BRI3BP: variants seen among roughly 807,000 people sequenced by gnomAD.
BRI3BP encodes the protein BRI3 binding protein, also known as BRI3-binding protein.
A neutral mutation model predicts 15.8 loss-of-function variants in BRI3BP; 7 were observed. That is an observed-to-expected ratio of 0.44 (90% confidence interval 0.25 to 0.83). The LOEUF is 0.83. BRI3BP is among the 40% of genes least tolerant of loss of function. The pLI, the probability that BRI3BP is intolerant of heterozygous loss-of-function variation, is 0.20. For missense variants in BRI3BP, 320 were observed against 339.3 expected (o/e 0.94, Z 0.45); for synonymous variants, 192 against 163.5 (o/e 1.17, Z -1.33).
the BRI3BP span, among the ~76,000 whole-genome samples, chr12:125,038,951 A>G: frequency 4.7e-5 from 7 of 147,974 alleles, no homozygotes; most frequent in South Asian, 1.5e-3. Flanking sequence ...TTAGCCGGGC[A>G]TGGTGGCCGG....
At chr12:125,022,537 A>ATTTTTT (rs1391143992) in intron 2 of BRI3BP, among the ~76,000 whole-genome samples, 1 of 70,616 alleles carries the variant, frequency 1.4e-5, no homozygotes, top group African/African-American at 7.8e-5. Flanking sequence ...TTATTTATTT[A>ATTTTTT]TTTATTTTTT....
At chr12:124,995,147 CAG>C (rs1955029899) in intron 1 of BRI3BP, among the ~76,000 whole-genome samples, 1 of 152,132 alleles carries the variant, frequency 6.6e-6, no homozygotes, top group South Asian at 2.1e-4. Flanking sequence ...GTTAGGAAAA[CAG>C]TAAGTTTTGA....
chr12:125,050,528 A>G, the BRI3BP span, among the ~76,000 whole-genome samples: 1 of 152,264 alleles, frequency 6.6e-6, no homozygotes, highest in African/African-American at 2.4e-5. Context: ...GAGACCTGCA[A>G]ATTCTGCAGC....
intron 2 of BRI3BP, among the ~76,000 whole-genome samples, chr12:125,017,222 C>T (rs1955254746): frequency 6.6e-6 from 1 of 151,338 alleles, no homozygotes; most frequent in Non-Finnish European, 1.5e-5. Context: ...TGGGGTTTCA[C>T]CATCTTGGCC....
intron 1 of BRI3BP, among the ~76,000 whole-genome samples, chr12:124,997,214 C>CCTTTTTTTTTTTTTTTTTTTTTTTTTTT (rs1955048122): frequency 1.9e-5 from 1 of 51,550 alleles, no homozygotes; most frequent in Non-Finnish European, 3.2e-5. Context: ...CTTTACTTCT[C>CCTTTTTTTTTTTTTTTTTTTTTTTTTTT]TTTTTTTTTT....
At position 125,025,314 on chromosome 12, in the gene BRI3BP, A is replaced by G; in HGVS notation, c.640A>G (p.Asn214Asp). 1 of 1,612,220 alleles carries G rather than the reference A, an allele frequency of 6.2e-7. No homozygotes were observed. The highest frequency in any genetic ancestry group is 8.5e-7 in the Non-Finnish European group (1 of 1,179,500). ...YWRSSPSGPSNPSNPSVEEKL... is the reference protein window; with the variant it reads ...YWRSSPSGPSDPSNPSVEEKL... ...GCGAAGCAGTCCCAGCGGCCCCAGC[A>G]ACCCCAGCAACCCCAGCGTGGAGGA... is the stretch of plus-strand genomic sequence containing the variant. The change falls in exon 3 of 3, where the codon AAC becomes GAC. Residue 214 changes from asparagine to aspartate, a missense_variant. Transcript: ENST00000341446.
At chr12:125,021,686 C>T (rs1392949531) in intron 2 of BRI3BP, among the ~76,000 whole-genome samples, 1 of 152,120 alleles carries the variant, frequency 6.6e-6, no homozygotes, top group African/African-American at 2.4e-5. Context: ...AAGCAAGGCA[C>T]GTCTTACGTG....
downstream of BRI3BP, among the ~76,000 whole-genome samples, chr12:125,034,338 A>G (rs764895982): frequency 2.6e-5 from 4 of 152,074 alleles, no homozygotes; most frequent in African/African-American, 4.8e-5. Flanking sequence ...GAGCCACTGC[A>G]CCCAGCCCCT....
At chr12:125,050,380 A>G in the BRI3BP span, among the ~76,000 whole-genome samples, 1 of 152,016 alleles carries the variant, frequency 6.6e-6, no homozygotes, top group Admixed American at 6.5e-5. Context: ...TTAATAATCA[A>G]TAAATTTAAA....
intron 2 of BRI3BP, among the ~76,000 whole-genome samples, chr12:125,014,522 T>C (rs7966745): frequency 0.14 from 21,138 of 152,168 alleles, 1,564 homozygotes; most frequent in Admixed American, 0.16. Context: ...GCTTCAGAGT[T>C]CTCTCCCTGT....
At chr12:124,999,292 C>A (rs1955063759) in intron 1 of BRI3BP, among the ~76,000 whole-genome samples, 1 of 152,212 alleles carries the variant, frequency 6.6e-6, no homozygotes, top group South Asian at 2.1e-4. Context: ...CCACTTCCCA[C>A]TACCGACCCG....
chr12:125,024,684 A>G (rs1955333039), intron 2 of BRI3BP, among the ~76,000 whole-genome samples: 1 of 152,124 alleles, frequency 6.6e-6, no homozygotes, highest in South Asian at 2.1e-4. Context: ...CTGTAATCCC[A>G]GCTACCCCGG....
At chr12:125,024,690 C>T (rs7303173) in intron 2 of BRI3BP, among the ~76,000 whole-genome samples, 73,684 of 151,744 alleles carry the variant, frequency 0.49, 19,968 homozygotes, top group African/African-American at 0.73. Context: ...TCCCAGCTAC[C>T]CCGGAGGCTG....
At chr12:125,022,693 A>C (rs1455723028) in intron 2 of BRI3BP, among the ~76,000 whole-genome samples, 2 of 151,752 alleles carry the variant, frequency 1.3e-5, no homozygotes, top group Admixed American at 1.3e-4. Context: ...CGCCCAGCTA[A>C]TTTTTATATT....
chr12:125,042,544 T>A, the BRI3BP span, among the ~76,000 whole-genome samples: 1 of 152,036 alleles, frequency 6.6e-6, no homozygotes, highest in Admixed American at 6.6e-5. Flanking sequence ...AGCACTTTTT[T>A]TTTTGAAACG....
intron 1 of BRI3BP, among the ~76,000 whole-genome samples, chr12:125,002,459 TTG>T (rs761468550): frequency 8.1e-5 from 12 of 147,994 alleles, no homozygotes; most frequent in Non-Finnish European, 9.0e-5. Flanking sequence ...TTTTTTTGTT[TTG>T]TTTTTTTTTT....
At chr12:125,032,475 ATTACTATTTTGTGGCCGGGTGCAGTGGC>A (rs377670011), downstream of BRI3BP, among the ~76,000 whole-genome samples, 170 of 151,494 alleles carry the variant, frequency 1.1e-3, no homozygotes, top group African/African-American at 3.8e-3. Flanking sequence ...AACAAAAAAA[ATTACTATTTTGTGGCCGGGTGCAGTGGC>A]TCACGCCTGT....
chr12:125,035,246 C>T (rs553421503), downstream of BRI3BP, among the ~76,000 whole-genome samples: 1 of 152,284 alleles, frequency 6.6e-6, no homozygotes, highest in Non-Finnish European at 1.5e-5. Flanking sequence ...ATAGGTTTAA[C>T]TTTTTAAGAC....
chr12:124,993,910 C>A lies in BRI3BP; in HGVS notation c.120C>A (p.Gly40=). 7.7e-7 allele frequency: 1 copy of A among 1,291,968 alleles called. No homozygotes were observed. Among genetic ancestry groups the A allele is most frequent in the Non-Finnish European group, 9.9e-7 (1 of 1,011,634 alleles). 80.0% of individuals were successfully genotyped at this position (1,291,968 alleles called of 1,614,324 possible). A position where few individuals can be genotyped will look rare whatever the true frequency, so the allele number is the denominator to read the frequency against. ...PGAQGARGRG[G]AEKNSYRRTV... is the part of the protein sequence containing the mutation. ...CGCAGGGGGCGCGGGGCCGCGGCGG[C>A]GCGGAGAAGAACAGCTACCGCCGCA... The change falls in exon 1 of 3, where the codon GGC becomes GGA. Residue 40 remains glycine, a synonymous_variant. Transcript: ENST00000341446.
Sources: gnomAD v4.1 joint callset for allele counts (sites outside exome capture counted in the v4.1 genomes callset) on GRCh38, gnomAD v4.1.1 for gene constraint, MANE v1.5 for transcripts, NCBI Gene and HGNC (gene_info 2026-07-23, HGNC 2026-07-21) for gene names.